PCDHGB1: variants seen among roughly 807,000 people sequenced by gnomAD.
PCDHGB1 encodes protocadherin gamma subfamily B, 1, also known as protocadherin gamma-B1.
Under a neutral mutation model 56.6 loss-of-function variants are expected in PCDHGB1, and 34 were observed. The ratio of observed to expected loss-of-function variants is 0.60; its 90% CI spans 0.46 to 0.80. The LOEUF (loss-of-function observed/expected upper bound fraction) is 0.80, where lower values mean the gene tolerates loss of function less well. Among genes scored for constraint, PCDHGB1 ranks in the 30% least tolerant of loss-of-function variants. The pLI, the probability that PCDHGB1 is intolerant of heterozygous loss-of-function variation, is 0.00. For synonymous variants in PCDHGB1, 561 were observed against 505.9 expected (o/e 1.11, Z -1.46); for missense variants, 1,278 against 1,204.6 (o/e 1.06, Z -0.90).
intron 2 of PCDHGB1, among the ~76,000 whole-genome samples, chr5:141,504,078 CCAAA>C (rs1272625151): frequency 6.6e-6 from 1 of 152,078 alleles, no homozygotes; most frequent in South Asian, 2.1e-4. Context: ...CCAGATGGTG[CCAAA>C]CAGTTACCTA....
intron 1 of PCDHGB1, chr5:141,413,874 T>C: frequency 6.2e-7 from 1 of 1,613,424 alleles, no homozygotes; most frequent in Non-Finnish European, 8.5e-7. Context: ...TCCTTGTCAG[T>C]GTGACTGTCT....
chr5:141,490,051 G>A lies in PCDHGB1; in HGVS notation c.2410-4756G>A, dbSNP rs779280988. The A allele has an allele frequency of 6.2e-6, 10 of 1,614,094 alleles. No homozygotes were observed. Among genetic ancestry groups the A allele is most frequent in the Admixed American group, 5.0e-5 (3 of 60,012 alleles). ...CCGCCTCAATGCCACTGATCCAGAC[G>A]AGGGCACCAACGGCCAACTAGACTA... On this transcript the variant is annotated intron_variant, in intron 1 of 3. Coordinates refer to ENST00000523390, the MANE Select transcript of PCDHGB1 (RefSeq NM_018922.3). The surrounding 1 kb of genome is among the most constrained non-coding windows in gnomAD (Gnocchi z 5.4).
At chr5:141,404,170 G>T in intron 1 of PCDHGB1, 1 of 1,612,740 alleles carries the variant, frequency 6.2e-7, no homozygotes, top group Non-Finnish European at 8.5e-7. Flanking sequence ...GATTGTTGAC[G>T]GCCCAAATTC....
intron 1 of PCDHGB1, among the ~76,000 whole-genome samples, chr5:141,358,604 T>C (rs1760964834): frequency 1.3e-5 from 2 of 152,226 alleles, no homozygotes; most frequent in South Asian, 2.1e-4. Context: ...CCTGTGATTA[T>C]GAGAAATATT....
intron 1 of PCDHGB1, chr5:141,355,795 G>T (rs751391789): frequency 6.2e-6 from 10 of 1,613,288 alleles, no homozygotes; most frequent in Admixed American, 1.7e-5. Flanking sequence ...GCTGGAACGC[G>T]CTCTAGATCG....
intron 1 of PCDHGB1, chr5:141,370,273 C>G: frequency 1.2e-6 from 1 of 809,002 alleles, no homozygotes; most frequent in East Asian, 2.7e-5. Context: ...GCAGCGGAGA[C>G]ACCCATTAGA....
At chr5:141,426,153 T>C (rs928934950) in intron 1 of PCDHGB1, 12 of 154,130 alleles carry the variant, frequency 7.8e-5, no homozygotes, top group African/African-American at 2.6e-4. Flanking sequence ...CTCCTGCAAA[T>C]CTGATTCCAT....
chr5:141,419,870 G>C, intron 1 of PCDHGB1: 1 of 1,614,054 alleles, frequency 6.2e-7, no homozygotes, highest in Non-Finnish European at 8.5e-7. Context: ...CTTGCAAGAG[G>C]TACTGCCGGA....
intron 1 of PCDHGB1, chr5:141,414,538 A>C: frequency 1.2e-6 from 2 of 1,613,882 alleles, no homozygotes; most frequent in Non-Finnish European, 1.7e-6. Flanking sequence ...CAACCCACCT[A>C]CCTTCTCTCA....
At chr5:141,366,618 C>G (rs781279706) in intron 1 of PCDHGB1, 26 of 1,614,114 alleles carry the variant, frequency 1.6e-5, no homozygotes, top group Middle Eastern at 3.3e-4. Flanking sequence ...ACCGCGGACT[C>G]GAGGAAGAGT....
Position 141,430,964 on chromosome 5 carries a change from A to G in PCDHGB1, c.2410-63843A>G, listed in dbSNP as rs547574367. The G allele has an allele frequency of 7.3e-5, 117 of 1,612,860 alleles. No homozygotes were observed. The South Asian group carries it at 1.2e-3, about 17-fold the overall frequency. On this transcript the variant is annotated intron_variant, in intron 1 of 3. Coordinates refer to ENST00000523390, the MANE Select transcript of PCDHGB1 (RefSeq NM_018922.3). The stretch of plus-strand genomic sequence containing the variant: ...GGAGCGCGGAGTCCGCATCATCCCC[A>G]GAGGTAGGACGCAGCTTTTCGCCCT...
chr5:141,474,516 T>G (rs999585038), intron 1 of PCDHGB1, among the ~76,000 whole-genome samples: 1 of 152,240 alleles, frequency 6.6e-6, no homozygotes, highest in Non-Finnish European at 1.5e-5. Context: ...GCCCTCTTGC[T>G]GGTCTGGCTA....
chr5:141,431,447 G>C lies in PCDHGB1; in HGVS notation c.2410-63360G>C. ...GCGCACAGGCACCGCGCGCATCCGC[G>C]TGATGGTTCTGGATGCGAACGACAA... is the stretch of plus-strand genomic sequence containing the variant. On this transcript the variant is annotated intron_variant, in intron 1 of 3. Coordinates refer to ENST00000523390, the MANE Select transcript of PCDHGB1 (RefSeq NM_018922.3). The surrounding 1 kb of genome is among the most constrained non-coding windows in gnomAD (Gnocchi z 4.8). The C allele has an allele frequency of 6.2e-7, 1 of 1,613,792 alleles. No individual in the cohort carries two copies. Among genetic ancestry groups the C allele is most frequent in the Non-Finnish European group, 8.5e-7 (1 of 1,180,014 alleles).
chr5:141,379,388 A>G (rs1218956688), intron 1 of PCDHGB1: 1 of 152,228 alleles, frequency 6.6e-6, no homozygotes, highest in Non-Finnish European at 1.5e-5. Flanking sequence ...AACAATTTTA[A>G]ACAACTTGAA....
chr5:141,462,824 A>T (rs1561993844), intron 1 of PCDHGB1, among the ~76,000 whole-genome samples: 1 of 152,158 alleles, frequency 6.6e-6, no homozygotes, highest in Non-Finnish European at 1.5e-5. Flanking sequence ...TGGACAGCAG[A>T]CATTGTAAAT....
At chr5:141,428,088 C>G (rs761980796) in intron 1 of PCDHGB1, 5 of 1,608,920 alleles carry the variant, frequency 3.1e-6, no homozygotes, top group Non-Finnish European at 4.2e-6. Context: ...CAACGCTTGG[C>G]TGTCCTACCA....
intron 1 of PCDHGB1, chr5:141,385,514 G>T: frequency 7.3e-7 from 1 of 1,363,606 alleles, no homozygotes; most frequent in Non-Finnish European, 9.5e-7. Context: ...TTTAGTGAAA[G>T]CCTATGGACA....
Position 141,374,705 on chromosome 5 carries a change from T to A in PCDHGB1, c.2409+22036T>A, listed in dbSNP as rs188037010. On this transcript the variant is annotated intron_variant, in intron 1 of 3. Coordinates refer to ENST00000523390, the MANE Select transcript of PCDHGB1 (RefSeq NM_018922.3). ...ACTGGACCGGGAAGGAGAAGCCGTTTACCGCCTGGTCCTTACTGCCATGGA... is the reference window on the plus strand; with the variant it reads ...ACTGGACCGGGAAGGAGAAGCCGTTAACCGCCTGGTCCTTACTGCCATGGA... 8 of 1,609,374 alleles carry A rather than the reference T, an allele frequency of 5.0e-6. No homozygotes were observed. In the African/African-American group the frequency reaches 8.0e-5, roughly 16 times the overall value.
At chr5:141,389,787 G>C (rs761543632) in intron 1 of PCDHGB1, 3 of 1,613,328 alleles carry the variant, frequency 1.9e-6, no homozygotes, top group Non-Finnish European at 2.5e-6. Context: ...CGACAGGGAC[G>C]CCGTCCGCCA....
Sources: gnomAD v4.1 joint callset for allele counts (sites outside exome capture counted in the v4.1 genomes callset) on GRCh38, gnomAD v4.1.1 for gene constraint, Gnocchi (gnomAD v3.1) non-coding constraint, MANE v1.5 for transcripts, NCBI Gene and HGNC (gene_info 2026-07-23, HGNC 2026-07-21) for gene names.